CANX: variants seen among roughly 807,000 people sequenced by gnomAD.
CANX encodes the protein calnexin, also known as epididymis secretory sperm binding protein.
In CANX, 14 loss-of-function variants were observed where a neutral mutation model predicts 75.7. The observed-to-expected ratio is 0.19, with a 90% CI of 0.12 to 0.29. The LOEUF is 0.29. Ranked by LOEUF, CANX falls within the 10% of genes least tolerant of loss-of-function variation. CANX has a pLI of 1.00. For synonymous variants in CANX, 227 were observed against 236.9 expected (o/e 0.96, Z 0.38); for missense variants, 567 against 713.2 (o/e 0.79, Z 2.34).
chr5:179,719,889 T>G (rs1778199665), intron 9 of CANX, 108 bp downstream of exon 9: 1 of 647,796 alleles, frequency 1.5e-6, no homozygotes, highest in South Asian at 2.0e-5. Flanking sequence ...TGGCGCAGTT[T>G]CGGCTCACTG....
At position 179,699,004 on chromosome 5, in the gene CANX, C is replaced by G; in HGVS notation, c.-102C>G. 1 of 1,118,530 alleles carries G rather than the reference C, an allele frequency of 8.9e-7. No homozygotes were observed. The highest frequency in any genetic ancestry group is 1.1e-6 in the Non-Finnish European group (1 of 908,526). 69.3% of individuals were successfully genotyped at this position (1,118,530 alleles called of 1,614,324 possible). ...GGCCTCTTGGTTCTGCGGCACGTGA[C>G]GGTCGGGCCGCCTCCGCCTCTCTCT... On this transcript the variant is annotated 5_prime_UTR_variant, in exon 1 of 15. Transcript: ENST00000247461.
Position 179,731,216 on chromosome 5 carries a change from T to C in CANX, c.*2572T>C, listed in dbSNP as rs1325803622. ...GGGAATGCTACTGATAATTTGTAGA[T>C]AATATTCTTTAAGACTTAGGGGAAC... On this transcript the variant is annotated 3_prime_UTR_variant, in exon 15 of 15. Transcript: ENST00000247461. 6.6e-6 allele frequency among the ~76,000 whole-genome samples: 1 copy of C among 152,214 alleles called. No homozygotes were observed. The highest frequency in any genetic ancestry group is 1.5e-5 in the Non-Finnish European group (1 of 68,026).
Position 179,705,832 on chromosome 5 carries a change from G to A in CANX, c.151G>A (p.Ala51Thr). 6.2e-7 allele frequency: 1 copy of A among 1,613,590 alleles called. No individual in the cohort carries two copies. Among genetic ancestry groups the A allele is most frequent in the Admixed American group, 1.7e-5 (1 of 59,988 alleles). ...AGAAGACTCAAAACCAGATACCACT[G>A]CTCCTCCTTCATCTCCCAAGGTTTG... is the stretch of plus-strand genomic sequence containing the variant. ...EVEDSKPDTT[A>T]PPSSPKVTYK... Residue 51 changes from alanine (A) to threonine (T), a missense_variant, in exon 2 of 15, where the codon GCT becomes ACT. Physicochemically the swap from Ala to Thr is moderately conservative, Grantham distance 58. Around this residue, in one of 3 missense-constraint regions of CANX, gnomAD observed 351 missense variants for 433.8 expected, o/e 0.81. Coordinates refer to ENST00000247461, the MANE Select transcript of CANX (RefSeq NM_001746.4).
intron 10 of CANX, among the ~76,000 whole-genome samples, chr5:179,721,617 A>G (rs1214038193): frequency 2.0e-5 from 3 of 152,172 alleles, no homozygotes; most frequent in African/African-American, 7.2e-5. Context: ...GCAACTATAA[A>G]AAGACTGAGG....
At chr5:179,708,936 T>G (rs1344088415) in intron 5 of CANX, 42 bp from the exon 6 acceptor site, 13 of 1,025,280 alleles carry the variant, frequency 1.3e-5, no homozygotes, top group Non-Finnish European at 1.9e-5. Flanking sequence ...TTTCGATCTT[T>G]CAAAATGCCA....
Position 179,710,013 on chromosome 5 carries a change from T to G in CANX, c.669T>G (p.Asp223Glu). 1.2e-6 allele frequency: 2 copies of G among 1,612,196 alleles called. No individual in the cohort carries two copies. Among genetic ancestry groups the G allele is most frequent in the Non-Finnish European group, 1.7e-6 (2 of 1,178,980 alleles). Residue 223 changes from aspartate to glutamate, a missense_variant, in exon 7 of 15, where the codon GAT (aspartate) becomes GAG (glutamate). Asp to Glu is a conservative substitution (Grantham distance 45, BLOSUM62 2). Transcript: ENST00000247461. ...AAGAAAAACATGCTAAGAGGCCAGA[T>G]GCAGATCTGAAGACCTATTTTACTG... ...IYEEKHAKRP[D>E]ADLKTYFTDK... is the part of the protein sequence containing the mutation.
chr5:179,713,235 C>G (rs536584379), intron 7 of CANX, among the ~76,000 whole-genome samples: 56 of 152,022 alleles, frequency 3.7e-4, no homozygotes, highest in African/African-American at 1.3e-3. Context: ...GCACACACCA[C>G]CATGTCCAAC....
rs923530378 is a variant in CANX at position 179,711,545 on chromosome 5, T to G, written c.721+1480T>G. Among the ~76,000 whole-genome samples, 4 of 151,832 alleles carry G rather than the reference T, an allele frequency of 2.6e-5. No homozygotes were observed. The East Asian group carries it at 7.7e-4, about 29-fold the overall frequency. ...GGCTCGTGCCTATAATCCCAGCACTTTGGGTGGCCGAGGTGGGCGGATCAC... is the reference window on the plus strand; with the variant it reads ...GGCTCGTGCCTATAATCCCAGCACTGTGGGTGGCCGAGGTGGGCGGATCAC... On this transcript the variant is annotated intron_variant, in intron 7 of 14. Transcript: ENST00000247461.
At chr5:179,714,723 T>C (rs1777812193) in intron 7 of CANX, among the ~76,000 whole-genome samples, 1 of 152,064 alleles carries the variant, frequency 6.6e-6, no homozygotes, top group Non-Finnish European at 1.5e-5. Context: ...TTCACCGTGT[T>C]AGCCAGGATG....
chr5:179,715,880 C>A, intron 7 of CANX: 5 of 560,572 alleles, frequency 8.9e-6, no homozygotes, highest in Non-Finnish European at 1.3e-5. Flanking sequence ...TTTTAACTAT[C>A]ATTTGCTGTA....
At chr5:179,691,271 C>T (rs1311322984) in intron 1 of CANX, among the ~76,000 whole-genome samples, 4 of 152,036 alleles carry the variant, frequency 2.6e-5, no homozygotes, top group Non-Finnish European at 4.4e-5. Context: ...GTGATCCACC[C>T]ACCTCAGCCT....
chr5:179,697,887 C>CA (rs1221169128), upstream of CANX, among the ~76,000 whole-genome samples: 2 of 151,802 alleles, frequency 1.3e-5, no homozygotes, highest in Non-Finnish European at 2.9e-5. Context: ...GACTTCGTCT[C>CA]AAAAAAATAA....
rs1776541819 is a variant in CANX, at chr5:179,699,054, G to C, written c.-52G>C. On this transcript the variant is annotated 5_prime_UTR_variant, in exon 1 of 15. Transcript: ENST00000247461. ...TTTACTGCGGCGCGGGGCAAGGTGT[G>C]CGGGCGGGAAGGGGCACGGGCACCC... 3 of 1,105,204 alleles carry C rather than the reference G, an allele frequency of 2.7e-6. No individual in the cohort carries two copies. In the African/African-American group the frequency reaches 5.2e-5, roughly 19 times the overall value. 68.5% of individuals were successfully genotyped at this position (1,105,204 alleles called of 1,614,324 possible).
intron 1 of CANX, among the ~76,000 whole-genome samples, chr5:179,703,829 T>G (rs553135887): frequency 1.3e-5 from 2 of 152,148 alleles, no homozygotes; most frequent in South Asian, 2.1e-4. Context: ...CATGATAGTT[T>G]TTGGGTGATG....
rs1778523140 is a variant in CANX at position 179,724,545 on chromosome 5, A to G, written c.1519-112A>G. 3 of 811,058 alleles carry G rather than the reference A, an allele frequency of 3.7e-6. No homozygotes were observed. The South Asian group carries it at 4.9e-5, about 13-fold the overall frequency. 50.2% of individuals were successfully genotyped at this position (811,058 alleles called of 1,614,324 possible). On this transcript the variant is annotated intron_variant, in intron 12 of 14. Coordinates refer to ENST00000247461, the MANE Select transcript of CANX (RefSeq NM_001746.4). ...GGAATTACATCCTATTCGTTTCTGT[A>G]TATCTATCCCTGTATACAGCCTGGA...
chr5:179,681,964 A>AAG lies in CANX; in HGVS notation c.-4+3187_-4+3188insAG, dbSNP rs1243688308. Among the ~76,000 whole-genome samples, 3 of 146,462 alleles carry AAG rather than the reference A, an allele frequency of 2.0e-5. No homozygotes were observed. The East Asian group carries it at 6.1e-4, about 30-fold the overall frequency. The stretch of plus-strand genomic sequence containing the variant: ...GTGTTTAAAAAAAAAAAAAAAAAAA[A>AAG]GAGGGCCAGGCGCGATGTTTCATGC... On this transcript the variant is annotated intron_variant, in intron 1 of 14. Coordinates refer to the CANX transcript ENST00000681674.
At chr5:179,715,925 T>G in intron 7 of CANX, 180 bp from the exon 8 acceptor site, 2 of 690,838 alleles carry the variant, frequency 2.9e-6, no homozygotes, top group South Asian at 3.0e-5. Context: ...TCATTTATGT[T>G]TCGTGCATAA....
In CANX at chr5:179,709,198, G is replaced by A. The variant is rs530480789; in HGVS notation, c.528+139G>A. 8.9e-5 allele frequency: 53 copies of A among 595,782 alleles called. No individual in the cohort carries two copies. In the South Asian group the frequency reaches 9.7e-4, roughly 11 times the overall value. 36.9% of individuals were successfully genotyped at this position (595,782 alleles called of 1,614,324 possible). ...TGGGAAGCCAAGGCAGGCGGATCAC[G>A]AGGTCAGGAGATTGAGACTATCTGG... On this transcript the variant is annotated intron_variant, in intron 6 of 14. Transcript: ENST00000247461.
At chr5:179,724,001 A>G (rs1457644592) in intron 12 of CANX, among the ~76,000 whole-genome samples, 1 of 151,932 alleles carries the variant, frequency 6.6e-6, no homozygotes, top group Admixed American at 6.6e-5. Context: ...ATTATTATTT[A>G]TCCTAATCTG....
Sources: allele counts gnomAD v4.1 joint callset (sites outside exome capture counted in the v4.1 genomes callset), GRCh38; gene constraint gnomAD v4.1.1; regional missense constraint gnomAD v4.1.1; transcripts MANE v1.5; gene names NCBI Gene and HGNC (gene_info 2026-07-23, HGNC 2026-07-21).